OPRM1: variants seen among roughly 807,000 people sequenced by gnomAD.
OPRM1 encodes mu-type opioid receptor.
In OPRM1, 27 loss-of-function variants were observed where a neutral mutation model predicts 31.8. That is an observed-to-expected ratio of 0.85 (90% CI 0.63 to 1.17). The LOEUF is 1.17. Ranked by LOEUF, OPRM1 falls within the 50% of genes most tolerant of loss-of-function variation. The pLI is 0.00. For missense variants in OPRM1, 536 were observed against 511.1 expected (o/e 1.05, Z -0.47); for synonymous variants, 196 against 189.9 (o/e 1.03, Z -0.26).
chr6:154,039,946 A>G (rs1779711855), intron 1 of OPRM1, 112 bp downstream of exon 1: 1 of 931,292 alleles, frequency 1.1e-6, no homozygotes, highest in Non-Finnish European at 1.6e-6. Context: ...GAGGGGAGGT[A>G]AACTGGGGGG....
intron 3 of OPRM1, chr6:154,093,354 G>C: frequency 2.5e-6 from 4 of 1,614,104 alleles, no homozygotes; most frequent in Non-Finnish European, 3.4e-6. Flanking sequence ...AGGACCTCTT[G>C]TCAGATATGA....
intron 3 of OPRM1, among the ~76,000 whole-genome samples, chr6:154,152,826 C>A (rs1798576042): frequency 6.6e-6 from 1 of 151,992 alleles, no homozygotes. Flanking sequence ...AACTCCTGGG[C>A]TCAAAGGATA....
Position 154,097,401 on chromosome 6 carries a change from G to GT in OPRM1, c.1164+5937dup, listed in dbSNP as rs1369050318. 3.3e-5 allele frequency among the ~76,000 whole-genome samples: 5 copies of GT among 152,016 alleles called. No homozygotes were observed. The East Asian group carries it at 9.7e-4, about 29-fold the overall frequency. ...ACATCACTCTCAAAAGTTGATCTCAGTTTTTTTTACAAGACATCTGTGGAG... is the reference window on the plus strand; with the variant it reads ...ACATCACTCTCAAAAGTTGATCTCAGTTTTTTTTTACAAGACATCTGTGGAG... On this transcript the variant is annotated intron_variant, in intron 3 of 3. Coordinates refer to ENST00000330432, the MANE Select transcript of OPRM1 (RefSeq NM_000914.5).
At chr6:154,159,897 A>T in intron 3 of OPRM1, 1 of 1,613,952 alleles carries the variant, frequency 6.2e-7, no homozygotes, top group Non-Finnish European at 8.5e-7. Context: ...CATCAGTGTC[A>T]TCAGGGGCAG....
chr6:154,229,346 G>GTTTTTTTTTTTTTTTTTT (rs34462600), intron 3 of OPRM1, among the ~76,000 whole-genome samples: 1 of 112,680 alleles, frequency 8.9e-6, no homozygotes, highest in African/African-American at 3.4e-5. Flanking sequence ...AAGTTTGCCG[G>GTTTTTTTTTTTTTTTTTT]TTTTTTTTTT....
intron 3 of OPRM1, among the ~76,000 whole-genome samples, chr6:154,181,893 G>C (rs911467045): frequency 6.2e-4 from 94 of 152,274 alleles, no homozygotes; most frequent in African/African-American, 2.1e-3. Context: ...ATGTGTACAA[G>C]ACTGCAGCCA....
chr6:154,173,823 G>A (rs1478441654), intron 3 of OPRM1, among the ~76,000 whole-genome samples: 7 of 152,054 alleles, frequency 4.6e-5, no homozygotes, highest in Admixed American at 1.3e-4. Flanking sequence ...TACAGAGAAC[G>A]CCACAAAGAT....
At chr6:154,092,219 A>G (rs1373356158) in intron 3 of OPRM1, among the ~76,000 whole-genome samples, 1 of 152,202 alleles carries the variant, frequency 6.6e-6, no homozygotes, top group Non-Finnish European at 1.5e-5. Context: ...CAAGACTTAT[A>G]CACACTATTA....
At chr6:154,089,446 G>C (rs183276283) in intron 1 of OPRM1, among the ~76,000 whole-genome samples, 5 of 152,020 alleles carry the variant, frequency 3.3e-5, no homozygotes, top group Admixed American at 2.6e-4. Context: ...AAATTAACAG[G>C]GTATGGTGGC....
chr6:154,240,697 TCCAAA>T (rs1780509548), intron 3 of OPRM1, among the ~76,000 whole-genome samples: 1 of 152,132 alleles, frequency 6.6e-6, no homozygotes, highest in Non-Finnish European at 1.5e-5. Flanking sequence ...AAATATGCCT[TCCAAA>T]GATAAGAGCC....
chr6:154,237,120 C>G (rs1213311775), intron 3 of OPRM1, among the ~76,000 whole-genome samples: 1 of 152,108 alleles, frequency 6.6e-6, no homozygotes, highest in African/African-American at 2.4e-5. Context: ...GGAACCTGAC[C>G]CTTAAAAGAG....
chr6:154,183,860 A>C (rs1055411568), intron 3 of OPRM1, among the ~76,000 whole-genome samples: 68 of 152,288 alleles, frequency 4.5e-4, no homozygotes, highest in African/African-American at 1.6e-3. Flanking sequence ...ACTGCACTCC[A>C]GCCTGGGTAA....
Position 154,131,715 on chromosome 6 carries a change from A to G in OPRM1, c.*12994A>G, listed in dbSNP as rs939983676. Among the ~76,000 whole-genome samples the G allele has an allele frequency of 1.3e-5, 2 of 152,370 alleles. No individual in the cohort carries two copies. The highest frequency in any genetic ancestry group is 2.4e-5 in the African/African-American group (1 of 41,598). On this transcript the variant is annotated 3_prime_UTR_variant, in exon 4 of 4. Coordinates refer to ENST00000330432, the MANE Select transcript of OPRM1 (RefSeq NM_000914.5). ...ACACAATCACCTTTCAAAACATGGT[A>G]TGAAATCCACAGTTGTAACAGTGAG...
At position 154,123,702 on chromosome 6, in the gene OPRM1, C is replaced by T. The variant is rs2128528250; in HGVS notation, c.*4981C>T. On this transcript the variant is annotated 3_prime_UTR_variant, in exon 4 of 4. Coordinates refer to ENST00000330432, the MANE Select transcript of OPRM1 (RefSeq NM_000914.5). ...ATTCCCAGAACTGAGGGTTCTTCCCCTTTTAAGACCGCATAGGGCAACTTC... is the reference window on the plus strand; with the variant it reads ...ATTCCCAGAACTGAGGGTTCTTCCCTTTTTAAGACCGCATAGGGCAACTTC... 6.6e-6 allele frequency among the ~76,000 whole-genome samples: 1 copy of T among 152,292 alleles called. No homozygotes were observed. The highest frequency in any genetic ancestry group is 1.9e-4 in the East Asian group (1 of 5,184).
chr6:154,039,480 G>A lies in OPRM1; in HGVS notation c.-65G>A. 6.4e-7 allele frequency: 1 copy of A among 1,559,106 alleles called. No homozygotes were observed. The highest frequency in any genetic ancestry group is 1.4e-5 in the African/African-American group (1 of 73,490). ...CGAAAGGAAGCGGCTGAGGCGCTTG[G>A]AACCCGAAAAGTCTCGGTGCTCCTG... On this transcript the variant is annotated 5_prime_UTR_variant, in exon 1 of 4. Coordinates refer to ENST00000330432, the MANE Select transcript of OPRM1 (RefSeq NM_000914.5).
At chr6:154,067,421 AGT>A (rs1785676913) in intron 1 of OPRM1, among the ~76,000 whole-genome samples, 1 of 151,548 alleles carries the variant, frequency 6.6e-6, no homozygotes. Context: ...TTTATTTAAG[AGT>A]GTTCTTAATT....
intron 3 of OPRM1, chr6:154,107,317 G>A (rs1650479912): frequency 3.3e-6 from 2 of 610,826 alleles, no homozygotes; most frequent in South Asian, 4.0e-5. Context: ...AATTTCTTAT[G>A]CCAAAAGGCC....
rs149319240 is a variant in OPRM1, at chr6:154,112,420, G to T, written c.1165-6263G>T. 2.8e-3 allele frequency among the ~76,000 whole-genome samples: 419 copies of T among 152,290 alleles called. 4 individuals carry two copies. Among genetic ancestry groups the T allele is most frequent in the African/African-American group, 9.7e-3 (402 of 41,556 alleles). On this transcript the variant is annotated intron_variant, in intron 3 of 3. Transcript: ENST00000330432. ...CAGTTCCTTTGCCTTTATGTCTTGT[G>T]ATGTGACACCATGAACCCAAATTGC... is the stretch of plus-strand genomic sequence containing the variant.
At position 154,123,201 on chromosome 6, in the gene OPRM1, G is replaced by A. The variant is rs1011733825; in HGVS notation, c.*4480G>A. On this transcript the variant is annotated 3_prime_UTR_variant, in exon 4 of 4. Transcript: ENST00000330432. The stretch of plus-strand genomic sequence containing the variant: ...ACTGCCTCTATCTATGCAGCTATGG[G>A]GTGTCTCTAGGCGAGCACAAAGCAT... 6.6e-6 allele frequency among the ~76,000 whole-genome samples: 1 copy of A among 152,080 alleles called. No individual in the cohort carries two copies. The highest frequency in any genetic ancestry group is 1.5e-5 in the Non-Finnish European group (1 of 67,996).
Sources: allele counts gnomAD v4.1 joint callset (sites outside exome capture counted in the v4.1 genomes callset), GRCh38; gene constraint gnomAD v4.1.1; transcripts MANE v1.5; gene names NCBI Gene and HGNC (gene_info 2026-07-23, HGNC 2026-07-21).